The following SPATS2 variants were observed in gnomAD, a reference collection of about 807,000 sequenced individuals.
SPATS2 encodes spermatogenesis-associated serine-rich protein 2.
In SPATS2, 38 loss-of-function variants were observed where a neutral mutation model predicts 63.7. The observed-to-expected ratio is 0.60, with a 90% CI of 0.46 to 0.78. The LOEUF (loss-of-function observed/expected upper bound fraction) is 0.78, where lower values mean the gene tolerates loss of function less well. Among genes scored for constraint, SPATS2 ranks in the 30% least tolerant of loss-of-function variants. SPATS2 has a pLI of 0.00. For synonymous variants in SPATS2, 207 were observed against 232.9 expected, an observed-to-expected ratio of 0.89 and a Z score of 1.01; for missense variants, 588 against 666.2, an observed-to-expected ratio of 0.88 and a Z score of 1.29.
chr12:49,453,049 C>A (rs1485792692), intron 2 of SPATS2, among the ~76,000 whole-genome samples: 1 of 151,428 alleles, frequency 6.6e-6, no homozygotes, highest in African/African-American at 2.4e-5. Context: ...GTCCCAGCTA[C>A]TCGGGAGGCT....
chr12:49,462,149 C>T, intron 3 of SPATS2: 1 of 594,484 alleles, frequency 1.7e-6, no homozygotes. Flanking sequence ...ACTAGAGAGT[C>T]TTTATTTCAT....
rs1947004586 is a variant in SPATS2 at position 49,524,807 on chromosome 12, A to C, written c.1237A>C (p.Thr413Pro). The change falls in exon 13 of 14, where the codon ACA (threonine) becomes CCA (proline). Residue 413 changes from threonine (T) to proline (P), a missense_variant. By Grantham distance (38) the Thr-to-Pro change is conservative. Transcript: ENST00000552918. The stretch of plus-strand genomic sequence containing the variant: ...CACCTGTGCCTCTCCTCCCAGCCTT[A>C]CAAGTGCTAACAAGAAAAACTTTGC... ...SSTCASPPSL[T>P]SANKKNFAPG... The C allele has an allele frequency of 6.2e-7, 1 of 1,614,000 alleles. No individual in the cohort carries two copies. The highest frequency in any genetic ancestry group is 8.5e-7 in the Non-Finnish European group (1 of 1,180,038).
At chr12:49,435,073 C>T (rs1945250219) in intron 2 of SPATS2, among the ~76,000 whole-genome samples, 1 of 146,494 alleles carries the variant, frequency 6.8e-6, no homozygotes, top group Non-Finnish European at 1.5e-5. Context: ...GTCTGTCGCC[C>T]AGGTTGGAGT....
chr12:49,418,422 C>A (rs1448048184), intron 2 of SPATS2, among the ~76,000 whole-genome samples: 1 of 152,094 alleles, frequency 6.6e-6, no homozygotes, highest in African/African-American at 2.4e-5. Flanking sequence ...GTCTTAGCCT[C>A]CCTAGTAGCT....
chr12:49,452,827 T>G (rs548050425), intron 2 of SPATS2, among the ~76,000 whole-genome samples: 1 of 152,218 alleles, frequency 6.6e-6, no homozygotes, highest in African/African-American at 2.4e-5. Flanking sequence ...TTTCTTTTTG[T>G]TTGAGGCATT....
At chr12:49,511,002 G>A (rs536698658) in intron 9 of SPATS2, among the ~76,000 whole-genome samples, 3 of 152,156 alleles carry the variant, frequency 2.0e-5, no homozygotes, top group African/African-American at 7.2e-5. Context: ...AGGAGTTTGA[G>A]ACCAGCCTGG....
intron 3 of SPATS2, among the ~76,000 whole-genome samples, chr12:49,483,902 T>G (rs1946247328): frequency 6.6e-6 from 1 of 152,184 alleles, no homozygotes; most frequent in African/African-American, 2.4e-5. Flanking sequence ...TTCCTGAGAT[T>G]TTATCTTATT....
intron 8 of SPATS2, among the ~76,000 whole-genome samples, chr12:49,498,765 C>T (rs896216853): frequency 7.3e-6 from 1 of 136,838 alleles, no homozygotes; most frequent in Non-Finnish European, 1.6e-5. Context: ...ATGCTTTCCT[C>T]TACCTTCTTG....
At chr12:49,384,886 C>T (rs938190019) in intron 2 of SPATS2, among the ~76,000 whole-genome samples, 5 of 152,026 alleles carry the variant, frequency 3.3e-5, no homozygotes, top group South Asian at 4.1e-4. Context: ...CTTGGCTCAC[C>T]GCAACCTTCG....
chr12:49,463,412 C>CAAAAAA (rs557932750), intron 3 of SPATS2: 5 of 75,956 alleles, frequency 6.6e-5, no homozygotes. Context: ...GACTCTGTCT[C>CAAAAAA]AAAAAAAAAA....
chr12:49,438,915 G>A (rs1945366016), intron 2 of SPATS2, among the ~76,000 whole-genome samples: 1 of 152,158 alleles, frequency 6.6e-6, no homozygotes, highest in Non-Finnish European at 1.5e-5. Context: ...TGTCCTCATG[G>A]AGTCCAAGTT....
At chr12:49,435,700 A>T in intron 2 of SPATS2, among the ~76,000 whole-genome samples, 1 of 101,200 alleles carries the variant, frequency 9.9e-6, no homozygotes, top group African/African-American at 3.6e-5. Context: ...GCAGAGGGGG[A>T]TTTGGCAGGG....
intron 11 of SPATS2, 48 bp from the exon 12 acceptor site, chr12:49,522,703 T>C (rs1946961643): frequency 5.6e-6 from 8 of 1,436,360 alleles, no homozygotes; most frequent in Non-Finnish European, 7.8e-6. Context: ...ATAGATTCCA[T>C]GGATGTTGTT....
intron 2 of SPATS2, among the ~76,000 whole-genome samples, chr12:49,441,202 C>T (rs993508994): frequency 1.3e-5 from 2 of 152,194 alleles, no homozygotes; most frequent in Non-Finnish European, 2.9e-5. Flanking sequence ...CTACATTCCT[C>T]ACTCAAGCCC....
chr12:49,518,890 C>T (rs1020630744), intron 10 of SPATS2, among the ~76,000 whole-genome samples, 183 bp from the exon 11 acceptor site: 4 of 151,984 alleles, frequency 2.6e-5, no homozygotes, highest in African/African-American at 9.7e-5. Context: ...AAATATTTAC[C>T]ACTTAACTGC....
At chr12:49,425,701 C>T (rs777040376) in intron 2 of SPATS2, among the ~76,000 whole-genome samples, 1 of 152,144 alleles carries the variant, frequency 6.6e-6, no homozygotes, top group East Asian at 1.9e-4. Flanking sequence ...ACGATCTCAG[C>T]TCACTGCATC....
chr12:49,497,183 T>C (rs1946477565), intron 8 of SPATS2, among the ~76,000 whole-genome samples, 174 bp downstream of exon 8: 1 of 152,190 alleles, frequency 6.6e-6, no homozygotes. Flanking sequence ...GTGTACACAG[T>C]TGGAGTCTGA....
chr12:49,447,321 C>T (rs1721372335), intron 2 of SPATS2, among the ~76,000 whole-genome samples: 1 of 152,068 alleles, frequency 6.6e-6, no homozygotes, highest in African/African-American at 2.4e-5. Context: ...TCACTGCAAC[C>T]TCCGCCTCCT....
intron 2 of SPATS2, among the ~76,000 whole-genome samples, chr12:49,377,998 A>G (rs114990464): frequency 0.092 from 13,994 of 152,130 alleles, 740 homozygotes; most frequent in African/African-American, 0.14. Context: ...TTGAGACAGA[A>G]TCTTGCTCTT....
Sources: gnomAD v4.1 joint callset for allele counts (sites outside exome capture counted in the v4.1 genomes callset) on GRCh38, gnomAD v4.1.1 for gene constraint, MANE v1.5 for transcripts, NCBI Gene and HGNC (gene_info 2026-07-23, HGNC 2026-07-21) for gene names.